Variants in TESPA1 observed in about 807,000 individuals in gnomAD.
The protein encoded by TESPA1 is protein TESPA1.
A neutral mutation model predicts 57.9 loss-of-function variants in TESPA1; 33 were observed. The ratio of observed to expected loss-of-function variants is 0.57; its 90% CI spans 0.43 to 0.76. The LOEUF (loss-of-function observed/expected upper bound fraction) is 0.76, where lower values mean the gene tolerates loss of function less well. TESPA1 is among the 30% of genes least tolerant of loss of function. The pLI is 0.00. For synonymous variants in TESPA1, 227 were observed against 228.9 expected, an observed-to-expected ratio of 0.99 and a Z score of 0.07; for missense variants, 618 against 632.9, an observed-to-expected ratio of 0.98 and a Z score of 0.25.
rs1312632459 is a variant in TESPA1 at position 54,949,663 on chromosome 12, A to G, written c.*729T>C. 6.6e-6 allele frequency: 1 copy of G among 152,562 alleles called. No homozygotes were observed. The allele number at this position is 152,562 out of a possible 1,614,324, so 9.5% of individuals were successfully genotyped here. A position where few individuals can be genotyped will look rare whatever the true frequency, so the allele number is the denominator to read the frequency against. The stretch of plus-strand genomic sequence containing the variant: ...AAAAATATTTGTATTGTTTTCTGCC[A>G]ACAGAAATAGCATTTTTTCCCCCCA... On this transcript the variant is annotated 3_prime_UTR_variant, in exon 11 of 11. Transcript: ENST00000449076.
chr12:54,961,114 T>C, intron 10 of TESPA1, 54 bp downstream of exon 10: 1 of 1,600,970 alleles, frequency 6.2e-7, no homozygotes, highest in South Asian at 1.1e-5. Context: ...ACCTTCCTCA[T>C]TTGATTACAA....
intron 7 of TESPA1, 118 bp from the exon 8 acceptor site, chr12:54,964,068 AC>A: frequency 9.5e-7 from 1 of 1,052,588 alleles, no homozygotes. Context: ...CCATTTCTCT[AC>A]TTTTCACTGT....
chr12:54,958,398 G>T (rs780295160), intron 10 of TESPA1, among the ~76,000 whole-genome samples: 62 of 152,198 alleles, frequency 4.1e-4, no homozygotes, highest in South Asian at 3.1e-3. Flanking sequence ...TATAGGTAAG[G>T]TGTTTTTTCC....
rs984840160 is a variant in TESPA1 at position 54,948,032 on chromosome 12, G to C, written c.*2360C>G. ...AAACAGGCTTTGTGTGAGCAATAAA[G>C]CTTTTTAATCACCTGGGTGCAGGCA... On this transcript the variant is annotated 3_prime_UTR_variant, in exon 11 of 11. Transcript: ENST00000449076. The C allele has an allele frequency of 6.6e-6, 1 of 152,320 alleles. No individual in the cohort carries two copies. The highest frequency in any genetic ancestry group is 2.4e-5 in the African/African-American group (1 of 41,460). 9.4% of individuals were successfully genotyped at this position (152,320 alleles called of 1,614,324 possible).
chr12:54,964,486 A>G (rs1219829490), intron 7 of TESPA1, among the ~76,000 whole-genome samples: 1 of 152,242 alleles, frequency 6.6e-6, no homozygotes, highest in African/African-American at 2.4e-5. Flanking sequence ...CACTATTTTC[A>G]GTACAGAAGT....
intron 1 of TESPA1, among the ~76,000 whole-genome samples, chr12:54,980,601 G>T (rs1417094887): frequency 6.6e-6 from 1 of 152,230 alleles, no homozygotes; most frequent in Non-Finnish European, 1.5e-5. Flanking sequence ...TGAGGAAAGA[G>T]CTGGGATAGC....
At chr12:54,951,491 T>C (rs780038616) in intron 10 of TESPA1, among the ~76,000 whole-genome samples, 1 of 152,222 alleles carries the variant, frequency 6.6e-6, no homozygotes, top group Non-Finnish European at 1.5e-5. Flanking sequence ...CTATTGATTC[T>C]TTCCTTCCAG....
chr12:54,948,963 A>G lies in TESPA1; in HGVS notation c.*1429T>C, dbSNP rs1282151605. 6.6e-6 allele frequency: 1 copy of G among 152,158 alleles called. No individual in the cohort carries two copies. Among genetic ancestry groups the G allele is most frequent in the Non-Finnish European group, 1.5e-5 (1 of 68,036 alleles). 9.4% of individuals were successfully genotyped at this position (152,158 alleles called of 1,614,324 possible). A position where few individuals can be genotyped will look rare whatever the true frequency, so the allele number is the denominator to read the frequency against. On this transcript the variant is annotated 3_prime_UTR_variant, in exon 11 of 11. Coordinates refer to ENST00000449076, the MANE Select transcript of TESPA1 (RefSeq NM_001136030.3). ...CTAAATCTTCTTCCAGCCTCTTCCC[A>G]GTTTTACAACTCAGGAATATCTTTC...
rs142729646 is a variant in TESPA1, at chr12:54,973,264, T to C, written c.206+213A>G. 1.5e-3 allele frequency among the ~76,000 whole-genome samples: 222 copies of C among 152,316 alleles called. 1 individual carries two copies. Among genetic ancestry groups the C allele is most frequent in the African/African-American group, 5.1e-3 (211 of 41,564 alleles). ...CTCTATTCCTAGACCTCGTGCCTAA[T>C]TTAGTCTTAGCCCCAAGTTGCACTT... On this transcript the variant is annotated intron_variant, in intron 3 of 10. Coordinates refer to ENST00000449076, the MANE Select transcript of TESPA1 (RefSeq NM_001136030.3).
In TESPA1 at chr12:54,979,614, A is replaced by G. The variant is rs1401968342; in HGVS notation, c.-46+4971T>C. Among the ~76,000 whole-genome samples, 4 of 152,362 alleles carry G rather than the reference A, an allele frequency of 2.6e-5. No individual in the cohort carries two copies. In the East Asian group the frequency reaches 7.7e-4, roughly 29 times the overall value. ...TTCTTGTTCTGAGGATGCTATAGTT[A>G]AAAGCAGAAATTGTAGTAGATAGGA... On this transcript the variant is annotated intron_variant, in intron 1 of 10. Transcript: ENST00000449076.
intron 8 of TESPA1, 128 bp downstream of exon 8, chr12:54,963,614 A>G: frequency 9.6e-7 from 1 of 1,041,420 alleles, no homozygotes; most frequent in Non-Finnish European, 1.4e-6. Flanking sequence ...ACAACATAAG[A>G]GGAAATAGAC....
In TESPA1 at chr12:54,951,316, T is replaced by C. The variant is rs138859940; in HGVS notation, c.*2-926A>G. ...CTTGCTTCCCCTTCCCCTTCTGCCATGAATGAAAGTTCCTGAGGTCTCCCT... is the reference window on the plus strand; with the variant it reads ...CTTGCTTCCCCTTCCCCTTCTGCCACGAATGAAAGTTCCTGAGGTCTCCCT... On this transcript the variant is annotated intron_variant, in intron 10 of 10. Transcript: ENST00000449076. Among the ~76,000 whole-genome samples, 882 of 152,270 alleles carry C rather than the reference T, an allele frequency of 5.8e-3. 9 individuals carry two copies. The highest frequency in any genetic ancestry group is 0.02 in the African/African-American group (849 of 41,552).
intron 1 of TESPA1, among the ~76,000 whole-genome samples, chr12:54,977,298 G>A (rs999856013): frequency 6.6e-6 from 1 of 152,040 alleles, no homozygotes; most frequent in African/African-American, 2.4e-5. Context: ...CCTCATAGGA[G>A]CCCAGTGCCT....
In TESPA1 at chr12:54,963,053, C is replaced by T. The variant is rs748417344; in HGVS notation, c.845G>A (p.Arg282His). 12 of 1,613,880 alleles carry T rather than the reference C, an allele frequency of 7.4e-6. No homozygotes were observed. The highest frequency in any genetic ancestry group is 1.0e-5 in the Non-Finnish European group (12 of 1,179,870). Reference protein sequence around the residue: ...REPEPQSPRDRLRKAISKMCL... With the variant: ...REPEPQSPRDHLRKAISKMCL... ...CATCTTGGAGATGGCTTTCCGAAGGCGGTCTCTGGGTGACTGGGGTTCAGG... is the reference window on the plus strand; with the variant it reads ...CATCTTGGAGATGGCTTTCCGAAGGTGGTCTCTGGGTGACTGGGGTTCAGG... Residue 282 changes from arginine (R) to histidine (H), a missense_variant, in exon 9 of 11, where the codon CGC becomes CAC. Physicochemically the swap from Arg to His is conservative, Grantham distance 29. Around this residue, in one of 3 missense-constraint regions of TESPA1, gnomAD observed 409 missense variants for 420.1 expected, o/e 0.97. Coordinates refer to ENST00000449076, the MANE Select transcript of TESPA1 (RefSeq NM_001136030.3).
Position 54,963,196 on chromosome 12 carries a change from G to T in TESPA1, c.702C>A (p.Phe234Leu). ...VQTLAVTADAFFCLYSYVSKT... is the reference protein window; with the variant it reads ...VQTLAVTADALFCLYSYVSKT... ...TAGACACATAGGAGTAGAGACAGAA[G>T]AAGGCATCAGCAGTGACAGCCAGTG... The change falls in exon 9 of 11, where the codon TTC becomes TTA. Residue 234 changes from phenylalanine (F) to leucine (L), a missense_variant. Physicochemically the swap from Phe to Leu is conservative, Grantham distance 22. Around this residue, in one of 3 missense-constraint regions of TESPA1, gnomAD observed 409 missense variants for 420.1 expected, o/e 0.97. Coordinates refer to ENST00000449076, the MANE Select transcript of TESPA1 (RefSeq NM_001136030.3). The T allele has an allele frequency of 6.2e-7, 1 of 1,613,782 alleles. No homozygotes were observed. Among genetic ancestry groups the T allele is most frequent in the Non-Finnish European group, 8.5e-7 (1 of 1,179,848 alleles).
At chr12:54,979,917 A>G (rs1952252682) in intron 1 of TESPA1, among the ~76,000 whole-genome samples, 1 of 152,216 alleles carries the variant, frequency 6.6e-6, no homozygotes, top group Admixed American at 6.5e-5. Context: ...CTGCATATTT[A>G]TCCATAAAAC....
At chr12:54,983,337 C>T (rs1250251921) in intron 1 of TESPA1, among the ~76,000 whole-genome samples, 2 of 152,132 alleles carry the variant, frequency 1.3e-5, no homozygotes, top group African/African-American at 2.4e-5. Flanking sequence ...TCTGCTATAT[C>T]TTCAGCTTGT....
intron 2 of TESPA1, 46 bp downstream of exon 2, chr12:54,974,354 T>C: frequency 6.6e-7 from 1 of 1,510,944 alleles, no homozygotes; most frequent in South Asian, 1.3e-5. Flanking sequence ...GCTGTCACCT[T>C]TTGCCGCCAG....
Position 54,974,394 on chromosome 12 carries a change from T to TCGTC in TESPA1, c.163+5_163+6insGACG, listed in dbSNP as rs771081625. The TCGTC allele has an allele frequency of 1.3e-6, 2 of 1,597,620 alleles. No individual in the cohort carries two copies. The highest frequency in any genetic ancestry group is 1.7e-6 in the Non-Finnish European group (2 of 1,172,108). On this transcript the variant is annotated splice_donor_region_variant and intron_variant, in intron 2 of 10. Transcript: ENST00000449076. ...CATAGACGCCTGTCTGATGTTCGTC[T>TCGTC]CTTACCTTCTTGGAAAACGTCATCC...
Sources: gnomAD v4.1 joint callset for allele counts (sites outside exome capture counted in the v4.1 genomes callset) on GRCh38, gnomAD v4.1.1 for gene constraint, gnomAD v4.1.1 regional missense constraint, MANE v1.5 for transcripts, NCBI Gene and HGNC (gene_info 2026-07-23, HGNC 2026-07-21) for gene names.